ALX1: variants seen among roughly 807,000 people sequenced by gnomAD.
ALX1 encodes the protein ALX homeobox protein 1.
In ALX1, 19 loss-of-function variants were observed where a neutral mutation model predicts 31.7. The ratio of observed to expected loss-of-function variants is 0.60; its 90% CI spans 0.42 to 0.88. The LOEUF is 0.88. Ranked by LOEUF, ALX1 falls within the 40% of genes least tolerant of loss-of-function variation. ALX1 has a pLI of 0.00. For missense variants in ALX1, 415 were observed against 407.8 expected (o/e 1.02, Z -0.15); for synonymous variants, 153 against 148.8 (o/e 1.03, Z -0.20).
intron 3 of ALX1, among the ~76,000 whole-genome samples, chr12:85,287,210 T>C (rs886383789): frequency 3.3e-5 from 5 of 151,840 alleles, no homozygotes; most frequent in African/African-American, 1.2e-4. Context: ...TTTTTTCTTT[T>C]GAATTTTGTT....
chr12:85,281,626 C>T (rs549151539), intron 1 of ALX1, among the ~76,000 whole-genome samples: 92 of 152,144 alleles, frequency 6.0e-4, no homozygotes, highest in Middle Eastern at 3.4e-3. Context: ...TTTTATTTAA[C>T]GTTGCAAGTA....
chr12:85,300,500 T>C (rs1005696806), intron 3 of ALX1, among the ~76,000 whole-genome samples: 4 of 152,128 alleles, frequency 2.6e-5, no homozygotes, highest in African/African-American at 9.7e-5. Context: ...ATGTCACATG[T>C]CTGTTTCAAA....
chr12:85,286,994 A>T lies in ALX1; in HGVS notation c.660+13A>T, dbSNP rs1178141508. 1 of 1,611,266 alleles carries T rather than the reference A, an allele frequency of 6.2e-7. No individual in the cohort carries two copies. The highest frequency in any genetic ancestry group is 8.5e-7 in the Non-Finnish European group (1 of 1,178,000). ...CAGCTACCCACAGGTATGCTAAACT[A>T]CACAGAATACTGATCAAGAAAAGGA... On this transcript the variant is annotated intron_variant, in intron 3 of 3. Coordinates refer to ENST00000316824, the MANE Select transcript of ALX1 (RefSeq NM_006982.3).
intron 3 of ALX1, among the ~76,000 whole-genome samples, chr12:85,298,183 T>C (rs1896913598): frequency 6.6e-6 from 1 of 151,692 alleles, no homozygotes. Context: ...ATTTCTAAGG[T>C]TTCCTAGGTT....
At position 85,301,723 on chromosome 12, in the gene ALX1, T is replaced by C. The variant is rs1896969828; in HGVS notation, c.*248T>C. 1 of 541,802 alleles carries C rather than the reference T, an allele frequency of 1.8e-6. No individual in the cohort carries two copies. Among genetic ancestry groups the C allele is most frequent in the African/African-American group, 1.9e-5 (1 of 52,738 alleles). 33.6% of individuals were successfully genotyped at this position (541,802 alleles called of 1,614,324 possible). ...TTTTAGTAGTAAGGTTTTCTTTTTC[T>C]ATTGTACAAGTCAATGAAATATGAT... On this transcript the variant is annotated 3_prime_UTR_variant, in exon 4 of 4. Transcript: ENST00000316824.
At chr12:85,291,646 G>A (rs1565942241) in intron 3 of ALX1, among the ~76,000 whole-genome samples, 1 of 151,072 alleles carries the variant, frequency 6.6e-6, no homozygotes, top group Non-Finnish European at 1.5e-5. Context: ...AGATAACTTT[G>A]AGTTACAACT....
chr12:85,300,558 T>A (rs1896949871), intron 3 of ALX1, among the ~76,000 whole-genome samples: 1 of 152,102 alleles, frequency 6.6e-6, no homozygotes, highest in Admixed American at 6.6e-5. Context: ...AAAATATGTA[T>A]ATTTACATAT....
At chr12:85,293,259 A>T (rs1555234059) in intron 3 of ALX1, among the ~76,000 whole-genome samples, 1 of 149,808 alleles carries the variant, frequency 6.7e-6, no homozygotes, top group Non-Finnish European at 1.5e-5. Flanking sequence ...TTATATATGT[A>T]TGTGTGTATA....
chr12:85,291,479 G>T (rs1183264414), intron 3 of ALX1, among the ~76,000 whole-genome samples: 1 of 150,808 alleles, frequency 6.6e-6, no homozygotes, highest in Non-Finnish European at 1.5e-5. Flanking sequence ...CAAAACCAAA[G>T]AATTTTAAAA....
intron 1 of ALX1, among the ~76,000 whole-genome samples, chr12:85,281,183 C>CAT (rs1224656572): frequency 6.6e-6 from 1 of 152,116 alleles, no homozygotes; most frequent in Non-Finnish European, 1.5e-5. Context: ...ATCACTCATT[C>CAT]CCAGATTCTA....
intron 3 of ALX1, among the ~76,000 whole-genome samples, chr12:85,291,084 T>G (rs1425532212): frequency 1.3e-5 from 2 of 151,148 alleles, no homozygotes; most frequent in Non-Finnish European, 3.0e-5. Context: ...TAATCAATTT[T>G]CAATAAAACA....
In ALX1 at chr12:85,283,795, C is replaced by G. The variant is rs757103360; in HGVS notation, c.450C>G (p.Val150=). ...TGCAGCTAGAGGAGCTGGAGAAAGT[C>G]TTTCAGAAAACTCATTACCCGGATG... ...TSLQLEELEK[V]FQKTHYPDVY... The change falls in exon 2 of 4, where the codon GTC becomes GTG. Residue 150 remains valine (V), a synonymous_variant. Coordinates refer to ENST00000316824, the MANE Select transcript of ALX1 (RefSeq NM_006982.3). 1 of 1,614,120 alleles carries G rather than the reference C, an allele frequency of 6.2e-7. No individual in the cohort carries two copies. Among genetic ancestry groups the G allele is most frequent in the Non-Finnish European group, 8.5e-7 (1 of 1,180,004 alleles).
At chr12:85,297,977 G>T (rs1896911369) in intron 3 of ALX1, among the ~76,000 whole-genome samples, 2 of 151,652 alleles carry the variant, frequency 1.3e-5, no homozygotes, top group African/African-American at 4.8e-5. Flanking sequence ...AGATGGATCA[G>T]TCCATATTTT....
chr12:85,283,537 C>G, intron 1 of ALX1, 35 bp from the exon 2 acceptor site: 1 of 1,607,212 alleles, frequency 6.2e-7, no homozygotes, highest in South Asian at 1.1e-5. Context: ...GTTTCACAAT[C>G]CTGAGAACTG....
intron 2 of ALX1, 83 bp from the exon 3 acceptor site, chr12:85,286,770 T>C: frequency 7.8e-7 from 1 of 1,282,186 alleles, no homozygotes. Context: ...CTGGTTTACC[T>C]TTCTTGTTTG....
At chr12:85,283,359 A>T (rs1338726932) in intron 1 of ALX1, among the ~76,000 whole-genome samples, 1 of 152,230 alleles carries the variant, frequency 6.6e-6, no homozygotes, top group African/African-American at 2.4e-5. Flanking sequence ...GGATTTTGGC[A>T]GATCATAGCA....
chr12:85,291,986 G>A (rs1239841310), intron 3 of ALX1, among the ~76,000 whole-genome samples: 1 of 151,068 alleles, frequency 6.6e-6, no homozygotes, highest in East Asian at 1.9e-4. Context: ...TAAAATGGGG[G>A]TAAAAGCTCA....
intron 3 of ALX1, among the ~76,000 whole-genome samples, chr12:85,291,997 T>C (rs575580177): frequency 6.6e-6 from 1 of 151,320 alleles, no homozygotes; most frequent in East Asian, 1.9e-4. Flanking sequence ...TAAAAGCTCA[T>C]ACGATGCTTG....
chr12:85,288,138 C>A lies in ALX1; in HGVS notation c.660+1157C>A, dbSNP rs11116768. Among the ~76,000 whole-genome samples, 404 of 151,586 alleles carry A rather than the reference C, an allele frequency of 2.7e-3. 4 individuals carry two copies. The highest frequency in any genetic ancestry group is 8.9e-3 in the African/African-American group (368 of 41,454). On this transcript the variant is annotated intron_variant, in intron 3 of 3. Transcript: ENST00000316824. ...AAGTCTTGGAGGTCACCTTGTTCAA[C>A]TCCTTCCTTTAAAAAAGTTATGAAA...
Sources: allele counts gnomAD v4.1 joint callset (sites outside exome capture counted in the v4.1 genomes callset), GRCh38; gene constraint gnomAD v4.1.1; transcripts MANE v1.5; gene names NCBI Gene and HGNC (gene_info 2026-07-23, HGNC 2026-07-21).